The following APTX variants were observed in gnomAD, a reference collection of about 807,000 sequenced individuals.
APTX encodes the protein aprataxin.
In APTX, 33 loss-of-function variants were observed where a neutral mutation model predicts 42.3. The ratio of observed to expected loss-of-function variants is 0.78; its 90% CI spans 0.59 to 1.04. APTX has a LOEUF of 1.04. APTX is among the 50% of genes least tolerant of loss of function. The pLI is 0.00. For missense variants in APTX, 421 were observed against 415.1 expected, an observed-to-expected ratio of 1.01 and a Z score of -0.12; for synonymous variants, 130 against 146.7, an observed-to-expected ratio of 0.89 and a Z score of 0.82.
chr9:32,978,061 C>A (rs1012720302), intron 6 of APTX, among the ~76,000 whole-genome samples: 5 of 152,034 alleles, frequency 3.3e-5, no homozygotes, highest in African/African-American at 9.7e-5. Context: ...TTTATTTAAT[C>A]CAAGTTTTAT....
chr9:32,991,326 T>C (rs1833576378), intron 1 of APTX, among the ~76,000 whole-genome samples: 1 of 152,176 alleles, frequency 6.6e-6, no homozygotes, highest in Non-Finnish European at 1.5e-5. Context: ...ACAACCCTTA[T>C]GGCCATGTGG....
upstream of APTX, among the ~76,000 whole-genome samples, chr9:33,004,629 C>CGTTTT (rs1563998723): frequency 7.1e-6 from 1 of 140,934 alleles, no homozygotes; most frequent in African/African-American, 2.6e-5. Context: ...TCTTGCCAAC[C>CGTTTT]CTTTTTTTTT....
chr9:33,023,070 C>T (rs918331621), intron 1 of APTX, among the ~76,000 whole-genome samples: 2 of 152,216 alleles, frequency 1.3e-5, no homozygotes, highest in Admixed American at 6.5e-5. Flanking sequence ...CTCAAGGGAT[C>T]CGCCTGCCTT....
At chr9:33,005,429 TTTTTTG>T (rs373118617), upstream of APTX, among the ~76,000 whole-genome samples, 779 of 152,116 alleles carry the variant, frequency 5.1e-3, 7 homozygotes, top group African/African-American at 0.018. Context: ...TATTTTTTTG[TTTTTTG>T]TTTTTGTTTT....
intron 1 of APTX, among the ~76,000 whole-genome samples, chr9:33,023,261 T>TCAA (rs566481752): frequency 2.6e-5 from 4 of 151,918 alleles, no homozygotes; most frequent in Non-Finnish European, 5.9e-5. Context: ...TCTTGCTCTG[T>TCAA]CAACCAGGCT....
chr9:33,023,459 G>C (rs1158961921), intron 1 of APTX, among the ~76,000 whole-genome samples: 1 of 150,998 alleles, frequency 6.6e-6, no homozygotes, highest in Non-Finnish European at 1.5e-5. Context: ...CCGGATCTCA[G>C]GTGATCCGCC....
rs371868908 is a variant in APTX, at chr9:33,001,607, G to C, written c.-45C>G. ...ACGGACAAATTCACGTTACTCATCT[G>C]TGCCTCACCGCTTCCGGCGCTGCGG... is the stretch of plus-strand genomic sequence containing the variant. On this transcript the variant is annotated 5_prime_UTR_variant, in exon 1 of 8. Coordinates refer to ENST00000379817, the MANE Select transcript of APTX (RefSeq NM_001195248.2). The C allele has an allele frequency of 1.3e-4, 206 of 1,613,936 alleles. No homozygotes were observed. In the African/African-American group the frequency reaches 2.3e-3, roughly 18 times the overall value.
intron 1 of APTX, chr9:32,997,241 A>AC (rs1474182011): frequency 6.6e-6 from 1 of 152,218 alleles, no homozygotes; most frequent in Non-Finnish European, 1.5e-5. Flanking sequence ...GGTGGCACGT[A>AC]CCTGTAGTCC....
At chr9:33,024,650 G>A (rs1838703658) in intron 1 of APTX, among the ~76,000 whole-genome samples, 2 of 152,100 alleles carry the variant, frequency 1.3e-5, no homozygotes, top group African/African-American at 4.8e-5. Flanking sequence ...GCACGAATCA[G>A]CGAGGTCCAG....
intron 1 of APTX, among the ~76,000 whole-genome samples, chr9:33,008,246 TAAAC>T (rs1410601640): frequency 2.0e-5 from 3 of 151,112 alleles, no homozygotes; most frequent in East Asian, 3.9e-4. Context: ...ATAATATAAA[TAAAC>T]AACAAAGTAT....
At chr9:32,974,434 T>C in intron 7 of APTX, 24 bp downstream of exon 7, 1 of 1,402,446 alleles carries the variant, frequency 7.1e-7, no homozygotes, top group Non-Finnish European at 1.0e-6. Context: ...GAAACAAATG[T>C]GAAAACCAAG....
chr9:32,984,564 C>T, intron 6 of APTX, 67 bp downstream of exon 6: 9 of 1,519,392 alleles, frequency 5.9e-6, no homozygotes, highest in South Asian at 2.2e-5. Flanking sequence ...CCTCAGCAAG[C>T]CCAGGCTGAA....
intron 4 of APTX, 82 bp downstream of exon 4, chr9:32,987,462 A>G (rs1392807009): frequency 1.9e-6 from 3 of 1,568,444 alleles, no homozygotes; most frequent in Non-Finnish European, 2.6e-6. Flanking sequence ...CGCATTTCTG[A>G]ACTTTAAAGT....
chr9:33,007,020 A>AAAAG (rs1454616438), intron 1 of APTX, among the ~76,000 whole-genome samples: 13 of 134,588 alleles, frequency 9.7e-5, no homozygotes, highest in East Asian at 4.2e-4. Context: ...AAAAAAAAAA[A>AAAAG]AAAGAAAGAA....
At chr9:33,017,481 T>A (rs1837980078) in intron 1 of APTX, among the ~76,000 whole-genome samples, 1 of 135,874 alleles carries the variant, frequency 7.4e-6, no homozygotes, top group Non-Finnish European at 1.8e-5. Flanking sequence ...CCTGGGTTTC[T>A]TTTGTAAGGG....
At chr9:33,007,946 C>G (rs968498161) in intron 1 of APTX, among the ~76,000 whole-genome samples, 1 of 152,070 alleles carries the variant, frequency 6.6e-6, no homozygotes, top group Admixed American at 6.6e-5. Context: ...CTCACTTCTT[C>G]ACTCCCCTGC....
At chr9:33,017,246 T>C (rs1022530494) in intron 1 of APTX, among the ~76,000 whole-genome samples, 1 of 152,252 alleles carries the variant, frequency 6.6e-6, no homozygotes, top group Non-Finnish European at 1.5e-5. Context: ...CAGGGTCTCC[T>C]GTACTTCTGA....
intron 1 of APTX, among the ~76,000 whole-genome samples, chr9:33,000,831 CTTTTTTTTTTTTTCT>C (rs1469187008): frequency 8.1e-6 from 1 of 123,482 alleles, no homozygotes; most frequent in Non-Finnish European, 1.7e-5. Flanking sequence ...TGGGGAAAGG[CTTTTTTTTTTTTTCT>C]TTTTTTTTTT....
intron 1 of APTX, chr9:33,001,307 G>A: frequency 6.7e-7 from 1 of 1,503,108 alleles, no homozygotes; most frequent in Non-Finnish European, 8.9e-7. Context: ...TATTTTTTCG[G>A]CTTGTGTTGC....
Sources: gnomAD v4.1 joint callset for allele counts (sites outside exome capture counted in the v4.1 genomes callset) on GRCh38, gnomAD v4.1.1 for gene constraint, MANE v1.5 for transcripts, NCBI Gene and HGNC (gene_info 2026-07-23, HGNC 2026-07-21) for gene names.